Variants in STX5 observed in about 807,000 individuals in gnomAD.
STX5 encodes the protein syntaxin-5.
Under a neutral mutation model 42.9 loss-of-function variants are expected in STX5, and 15 were observed. The observed-to-expected ratio is 0.35, with a 90% CI of 0.23 to 0.54. The LOEUF is 0.54. Among genes scored for constraint, STX5 ranks in the 20% least tolerant of loss-of-function variants. The pLI is 0.91. For synonymous variants in STX5, 184 were observed against 173.2 expected, an observed-to-expected ratio of 1.06 and a Z score of -0.49; for missense variants, 430 against 455.0, an observed-to-expected ratio of 0.95 and a Z score of 0.50.
In STX5 at chr11:62,807,289, G is replaced by A. The variant is rs895055159; in HGVS notation, c.*180C>T. ...GTTTCATAGGCCTGAGGGTGGTGGG[G>A]GGAGGACAGGGTGGCCAGAGGCAAG... On this transcript the variant is annotated 3_prime_UTR_variant, in exon 11 of 11. Coordinates refer to ENST00000294179, the MANE Select transcript of STX5 (RefSeq NM_003164.5). 4.6e-6 allele frequency: 4 copies of A among 869,586 alleles called. No individual in the cohort carries two copies. Among genetic ancestry groups the A allele is most frequent in the Non-Finnish European group, 6.8e-6 (4 of 589,076 alleles). 53.9% of individuals were successfully genotyped at this position (869,586 alleles called of 1,614,324 possible).
intron 10 of STX5, among the ~76,000 whole-genome samples, chr11:62,814,467 CT>C (rs35408833): frequency 0.89 from 131,482 of 146,978 alleles, 59,585 homozygotes; most frequent in East Asian, 1. Context: ...GGGACTCTTC[CT>C]TTTTTTTTTT....
In STX5 at chr11:62,831,191, A is replaced by T. The variant is rs777811351; in HGVS notation, c.53T>A (p.Leu18Gln). ...CAGGACCTGTGTCTTTGAGAGACCC[A>T]GGTAGACACCCTGATCCGTGTTCTT... ...GSKNTDQGVY[L>Q]GLSKTQVLSP... The change falls in exon 2 of 11, where the codon CTG becomes CAG. Residue 18 changes from leucine to glutamine, a missense_variant. Leu to Gln is a moderately radical substitution (Grantham distance 113). Coordinates refer to ENST00000294179, the MANE Select transcript of STX5 (RefSeq NM_003164.5). 6.4e-7 allele frequency: 1 copy of T among 1,566,492 alleles called. No homozygotes were observed. The highest frequency in any genetic ancestry group is 1.2e-5 in the South Asian group (1 of 85,428).
At chr11:62,822,826 T>TA (rs2084754710) in intron 10 of STX5, among the ~76,000 whole-genome samples, 1 of 152,098 alleles carries the variant, frequency 6.6e-6, no homozygotes. Context: ...CATAACTGAC[T>TA]GACTGAATGC....
chr11:62,810,494 T>C (rs1190586236), intron 10 of STX5, among the ~76,000 whole-genome samples: 1 of 151,964 alleles, frequency 6.6e-6, no homozygotes, highest in East Asian at 1.9e-4. Flanking sequence ...TGACTACAGG[T>C]GAAGGGAATA....
intron 2 of STX5, 89 bp downstream of exon 2, chr11:62,830,930 A>C: frequency 7.9e-7 from 1 of 1,262,638 alleles, no homozygotes; most frequent in Non-Finnish European, 1.1e-6. Context: ...GGTACCCCCC[A>C]AAATTACTTC....
intron 2 of STX5, among the ~76,000 whole-genome samples, 182 bp from the exon 3 acceptor site, chr11:62,827,813 T>C (rs1331242103): frequency 6.6e-6 from 1 of 152,112 alleles, no homozygotes; most frequent in Admixed American, 6.6e-5. Context: ...TGAGTTCAAA[T>C]CTTGACTCAC....
chr11:62,827,473 C>T lies in STX5; in HGVS notation c.297-75G>A, dbSNP rs1252397380. ...CCACATAAGCTCCAGCATAACCAAT[C>T]CCAGACTTCACAGCCAAGGCCACTG... On this transcript the variant is annotated intron_variant, in intron 3 of 10. Transcript: ENST00000294179. The T allele has an allele frequency of 1.8e-5, 29 of 1,612,760 alleles. No individual in the cohort carries two copies. In the Middle Eastern group the frequency reaches 1.5e-3, roughly 83 times the overall value.
rs181420299 is a variant in STX5 at position 62,826,286 on chromosome 11, G to A, written c.424-747C>T. On this transcript the variant is annotated intron_variant, in intron 5 of 10. Transcript: ENST00000294179. ...AAAAAAGTTATTATTGGCCTGGCGCGGTGGCTCACGCCTGTAATCCCATCA... is the reference window on the plus strand; with the variant it reads ...AAAAAAGTTATTATTGGCCTGGCGCAGTGGCTCACGCCTGTAATCCCATCA... Among the ~76,000 whole-genome samples the A allele has an allele frequency of 2.2e-4, 33 of 151,068 alleles. No individual in the cohort carries two copies. The East Asian group carries it at 3.0e-3, about 14-fold the overall frequency.
rs995807138 is a variant in STX5 at position 62,831,969 on chromosome 11, T to TGCC, written c.-38_-36dup. The TGCC allele has an allele frequency of 4.3e-5, 20 of 460,802 alleles. No individual in the cohort carries two copies. The East Asian group carries it at 7.6e-4, about 17-fold the overall frequency. 28.5% of individuals were successfully genotyped at this position (460,802 alleles called of 1,614,324 possible). A position where few individuals can be genotyped will look rare whatever the true frequency, so the allele number is the denominator to read the frequency against. ...CGAATCTTACCTCCCCTCTGCCGCC[T>TGCC]GCCGCCGCCGCCACTTCCAATCTCA... On this transcript the variant is annotated 5_prime_UTR_variant, in exon 1 of 11. Transcript: ENST00000294179.
At position 62,819,220 on chromosome 11, in the gene STX5, GAAAAAAAAAAAAAA is replaced by G. The variant is rs57390432; in HGVS notation, c.908+4932_908+4945del. On this transcript the variant is annotated intron_variant, in intron 10 of 10. Transcript: ENST00000294179. ...TGGGCAACAGAGTGAGACTCTGTCT[GAAAAAAAAAAAAAA>G]AAAAAAAAAAAAAAAAAAAAAAGAA... 5.4e-4 allele frequency among the ~76,000 whole-genome samples: 16 copies of G among 29,640 alleles called. No homozygotes were observed. In the East Asian group the frequency reaches 5.7e-3, roughly 11 times the overall value. 19.4% of individuals were successfully genotyped at this position (29,640 alleles called of 152,430 possible). A position where few individuals can be genotyped will look rare whatever the true frequency, so the allele number is the denominator to read the frequency against.
chr11:62,827,705 G>A, intron 2 of STX5, 74 bp from the exon 3 acceptor site: 1 of 1,495,370 alleles, frequency 6.7e-7, no homozygotes, highest in Non-Finnish European at 9.3e-7. Flanking sequence ...TTCCTGAGGT[G>A]TCCACTAACC....
chr11:62,811,482 C>T (rs1034525159), intron 10 of STX5, among the ~76,000 whole-genome samples: 5 of 152,192 alleles, frequency 3.3e-5, no homozygotes, highest in Non-Finnish European at 7.3e-5. Context: ...AATAATTCTG[C>T]ACTCCTGTAT....
At chr11:62,816,385 T>A (rs929205571) in intron 10 of STX5, among the ~76,000 whole-genome samples, 7 of 152,126 alleles carry the variant, frequency 4.6e-5, no homozygotes, top group African/African-American at 1.7e-4. Context: ...TAGACTCAAG[T>A]GATCTTCTCC....
intron 10 of STX5, among the ~76,000 whole-genome samples, chr11:62,812,011 A>G (rs1337075296): frequency 6.6e-6 from 1 of 151,960 alleles, no homozygotes; most frequent in African/African-American, 2.4e-5. Context: ...TAGAATGTAA[A>G]GTTGCCTATA....
intron 2 of STX5, among the ~76,000 whole-genome samples, chr11:62,829,069 C>T (rs1016091473): frequency 6.7e-6 from 1 of 150,290 alleles, no homozygotes; most frequent in African/African-American, 2.4e-5. Flanking sequence ...CAAAAACAAA[C>T]AAACAAACAA....
At chr11:62,826,143 A>G (rs1282122890) in intron 5 of STX5, among the ~76,000 whole-genome samples, 3 of 152,146 alleles carry the variant, frequency 2.0e-5, no homozygotes, top group Non-Finnish European at 2.9e-5. Flanking sequence ...AATCCCAGCT[A>G]CTTGGGATGC....
chr11:62,829,740 T>C (rs1251006907), intron 2 of STX5, among the ~76,000 whole-genome samples: 1 of 151,606 alleles, frequency 6.6e-6, no homozygotes, highest in Non-Finnish European at 1.5e-5. Flanking sequence ...ACTCCAGCCT[T>C]GGTGACAGAG....
chr11:62,810,986 CTT>C (rs1164668987), intron 10 of STX5, among the ~76,000 whole-genome samples: 3 of 152,204 alleles, frequency 2.0e-5, no homozygotes, highest in Non-Finnish European at 4.4e-5. Flanking sequence ...CTCGAACTTT[CTT>C]TCTCAGGAGC....
intron 10 of STX5, among the ~76,000 whole-genome samples, chr11:62,817,866 G>A (rs2084692595): frequency 6.6e-6 from 1 of 152,030 alleles, no homozygotes; most frequent in South Asian, 2.1e-4. Context: ...CATGTACCTG[G>A]AAACATATAT....
Sources: allele counts gnomAD v4.1 joint callset (sites outside exome capture counted in the v4.1 genomes callset), GRCh38; gene constraint gnomAD v4.1.1; transcripts MANE v1.5; gene names NCBI Gene and HGNC (gene_info 2026-07-23, HGNC 2026-07-21).